The following SCFD2 variants were observed in gnomAD, a reference collection of about 807,000 sequenced individuals.
SCFD2 encodes sec1 family domain containing 2, also known as sec1 family domain-containing protein 2.
In SCFD2, 54 loss-of-function variants were observed where a neutral mutation model predicts 58.9. That is an observed-to-expected ratio of 0.92 (90% CI 0.74 to 1.15). SCFD2 has a LOEUF of 1.15. Among genes scored for constraint, SCFD2 ranks in the 50% most tolerant of loss-of-function variants. SCFD2 has a pLI of 0.00. For synonymous variants in SCFD2, 321 were observed against 335.9 expected, an observed-to-expected ratio of 0.96 and a Z score of 0.49; for missense variants, 805 against 836.6, an observed-to-expected ratio of 0.96 and a Z score of 0.47.
Position 53,356,844 on chromosome 4 carries a change from C to T in SCFD2, c.839-4078G>A, listed in dbSNP as rs1734416340. ...CTCCACCTCCTCGGTTCACGCCATT[C>T]TCCTGCCTCAGCCTCCGGAGTAGCT... On this transcript the variant is annotated intron_variant, in intron 1 of 8. Coordinates refer to ENST00000401642, the MANE Select transcript of SCFD2 (RefSeq NM_152540.4). Among the ~76,000 whole-genome samples the T allele has an allele frequency of 5.3e-5, 8 of 150,136 alleles. No homozygotes were observed. The South Asian group carries it at 1.7e-3, about 32-fold the overall frequency.
chr4:52,933,852 G>A (rs1255896270), intron 5 of SCFD2, among the ~76,000 whole-genome samples: 1 of 152,196 alleles, frequency 6.6e-6, no homozygotes. Context: ...CATGGGTCAT[G>A]AGGGAGGAGC....
intron 4 of SCFD2, among the ~76,000 whole-genome samples, chr4:53,152,823 G>A (rs1726551551): frequency 6.6e-6 from 1 of 152,174 alleles, no homozygotes; most frequent in South Asian, 2.1e-4. Context: ...ATTCCAAAAA[G>A]GAGGAATCAG....
chr4:53,232,415 A>G (rs1729467569), intron 4 of SCFD2, among the ~76,000 whole-genome samples: 2 of 152,126 alleles, frequency 1.3e-5, no homozygotes, highest in African/African-American at 2.4e-5. Context: ...CTTTTTGGCA[A>G]TTTTGTTTTG....
intron 8 of SCFD2, among the ~76,000 whole-genome samples, 187 bp from the exon 9 acceptor site, chr4:52,874,248 G>C (rs774984136): frequency 3.9e-5 from 6 of 152,172 alleles, no homozygotes; most frequent in Non-Finnish European, 8.8e-5. Flanking sequence ...GGAAGGAGGG[G>C]GGCACAGTCT....
chr4:53,176,810 G>A (rs1560370487), intron 4 of SCFD2, among the ~76,000 whole-genome samples: 1 of 152,110 alleles, frequency 6.6e-6, no homozygotes, highest in African/African-American at 2.4e-5. Flanking sequence ...CCAGCTGGGT[G>A]TGGTGGTGGT....
At chr4:53,159,612 G>A (rs898901940) in intron 4 of SCFD2, among the ~76,000 whole-genome samples, 2 of 152,162 alleles carry the variant, frequency 1.3e-5, no homozygotes, top group African/African-American at 4.8e-5. Context: ...GCTCCTTAGA[G>A]TTCTCTGGTA....
At chr4:52,890,380 T>C (rs1192708535) in intron 7 of SCFD2, among the ~76,000 whole-genome samples, 6 of 152,216 alleles carry the variant, frequency 3.9e-5, no homozygotes, top group African/African-American at 1.4e-4. Flanking sequence ...ATGGGTCCAA[T>C]TAATGCATGT....
chr4:52,998,587 C>A (rs1458431817), intron 5 of SCFD2, among the ~76,000 whole-genome samples: 3 of 152,154 alleles, frequency 2.0e-5, no homozygotes, highest in Non-Finnish European at 2.9e-5. Context: ...TTAGCCCCAG[C>A]TGGAGAAACA....
At chr4:53,099,532 C>T (rs1240207233) in intron 5 of SCFD2, among the ~76,000 whole-genome samples, 1 of 152,166 alleles carries the variant, frequency 6.6e-6, no homozygotes, top group Non-Finnish European at 1.5e-5. Flanking sequence ...ATGGCGCCAG[C>T]ATCTGCTTGG....
At chr4:52,881,996 G>A (rs1486990416) in intron 8 of SCFD2, among the ~76,000 whole-genome samples, 1 of 152,136 alleles carries the variant, frequency 6.6e-6, no homozygotes, top group Non-Finnish European at 1.5e-5. Flanking sequence ...GTGAGATCAT[G>A]TGAGCTTTGT....
rs561877542 is a variant in SCFD2, at chr4:52,920,823, C to T, written c.1609G>A (p.Val537Met). 30 of 1,610,798 alleles carry T rather than the reference C, an allele frequency of 1.9e-5. No individual in the cohort carries two copies. The highest frequency in any genetic ancestry group is 5.5e-5 in the South Asian group (5 of 90,866). Residue 537 changes from valine (V) to methionine (M), a missense_variant, in exon 6 of 9, where the codon GTG becomes ATG. Val to Met is a conservative substitution (Grantham distance 21, BLOSUM62 1). Coordinates refer to ENST00000401642, the MANE Select transcript of SCFD2 (RefSeq NM_152540.4). ...CGAAGTGAAGTAAAGAGTTCATCCA[C>T]GGCAATTTTGGATTTGTGAAATGTC... is the stretch of plus-strand genomic sequence containing the variant. Reference protein sequence around the residue: ...NLTFHKSKIAVDELFTSLRDI... With the variant: ...NLTFHKSKIAMDELFTSLRDI...
At chr4:53,118,633 AGC>A (rs1725389807) in intron 5 of SCFD2, among the ~76,000 whole-genome samples, 1 of 152,212 alleles carries the variant, frequency 6.6e-6, no homozygotes, top group Non-Finnish European at 1.5e-5. Flanking sequence ...GGGTGGGCTG[AGC>A]AGTGATCCCA....
chr4:52,924,901 T>C (rs140407376), intron 5 of SCFD2, among the ~76,000 whole-genome samples: 215 of 152,282 alleles, frequency 1.4e-3, no homozygotes, highest in African/African-American at 4.9e-3. Context: ...TCATTCCAAA[T>C]ATATGCTGAA....
intron 4 of SCFD2, among the ~76,000 whole-genome samples, chr4:53,166,763 T>G (rs1487494722): frequency 6.6e-6 from 1 of 150,598 alleles, no homozygotes; most frequent in African/African-American, 2.4e-5. Context: ...AACACTTGGA[T>G]TAAAGATAAC....
chr4:53,010,512 T>C (rs560599041), intron 5 of SCFD2, among the ~76,000 whole-genome samples: 2 of 152,184 alleles, frequency 1.3e-5, no homozygotes, highest in South Asian at 2.1e-4. Context: ...TCTTACACTA[T>C]AGCAATGAGG....
chr4:53,001,310 C>T (rs185672293), intron 5 of SCFD2, among the ~76,000 whole-genome samples: 14 of 152,252 alleles, frequency 9.2e-5, no homozygotes, highest in Admixed American at 2.0e-4. Context: ...CACAGCAGCA[C>T]GGGAATTAAC....
chr4:52,961,803 C>G (rs1332488747), intron 5 of SCFD2, among the ~76,000 whole-genome samples: 2 of 152,180 alleles, frequency 1.3e-5, no homozygotes, highest in East Asian at 1.9e-4. Flanking sequence ...TTTCAGCCTG[C>G]AGATTCTGTG....
At chr4:52,993,436 T>G (rs1432140978) in intron 5 of SCFD2, among the ~76,000 whole-genome samples, 2 of 152,238 alleles carry the variant, frequency 1.3e-5, no homozygotes, top group African/African-American at 4.8e-5. Context: ...TTTTTTAATT[T>G]AATTGAATAT....
At chr4:53,198,583 T>C (rs1310337711) in intron 4 of SCFD2, among the ~76,000 whole-genome samples, 1 of 152,046 alleles carries the variant, frequency 6.6e-6, no homozygotes, top group African/African-American at 2.4e-5. Flanking sequence ...AGTCTTATTA[T>C]TATACATTAT....
Sources: allele counts gnomAD v4.1 joint callset (sites outside exome capture counted in the v4.1 genomes callset), GRCh38; gene constraint gnomAD v4.1.1; transcripts MANE v1.5; gene names NCBI Gene and HGNC (gene_info 2026-07-23, HGNC 2026-07-21).